ATIC: variants seen among roughly 807,000 people sequenced by gnomAD.
ATIC encodes bifunctional purine biosynthesis protein ATIC.
In ATIC, 64 loss-of-function variants were observed where a neutral mutation model predicts 72.5. The ratio of observed to expected loss-of-function variants is 0.88; its 90% CI spans 0.72 to 1.09. The LOEUF is 1.09. Among genes scored for constraint, ATIC ranks in the 50% least tolerant of loss-of-function variants. ATIC has a pLI of 0.00. For missense variants in ATIC, 787 were observed against 732.4 expected, an observed-to-expected ratio of 1.07 and a Z score of -0.86; for synonymous variants, 281 against 267.1, an observed-to-expected ratio of 1.05 and a Z score of -0.51.
chr2:215,347,340 C>A (rs200642491), intron 14 of ATIC: 7 of 367,292 alleles, frequency 1.9e-5, no homozygotes, highest in African/African-American at 1.5e-4. Context: ...AATTGCCTGA[C>A]GGCAGGTAAC....
chr2:215,335,671 C>T lies in ATIC; in HGVS notation c.1009-364C>T, dbSNP rs77024614. On this transcript the variant is annotated intron_variant, in intron 10 of 15. Transcript: ENST00000236959. ...CTTGCTGTTAAGGAAAACGCCTTGC[C>T]GGAAGAGGTCATTTAACCATGTACT... is the stretch of plus-strand genomic sequence containing the variant. Among the ~76,000 whole-genome samples, 1,483 of 152,192 alleles carry T rather than the reference C, an allele frequency of 9.7e-3. 27 individuals are homozygous for T. Among genetic ancestry groups the T allele is most frequent in the African/African-American group, 0.035 (1,433 of 41,492 alleles).
chr2:215,345,132 C>T lies in ATIC; in HGVS notation c.1320+261C>T, dbSNP rs1471057873. The T allele has an allele frequency of 7.9e-6, 4 of 507,024 alleles. No individual in the cohort carries two copies. The East Asian group carries it at 1.4e-4, about 18-fold the overall frequency. The allele number at this position is 507,024 out of a possible 1,614,324, so 31.4% of individuals were successfully genotyped here. A position where few individuals can be genotyped will look rare whatever the true frequency, so the allele number is the denominator to read the frequency against. Reference sequence around the variant, plus strand: ...GTTGGCACATTTTGGATTAGTGAGACTCTAATAGCTGTTACAAAACTGGAT... The same window carrying T: ...GTTGGCACATTTTGGATTAGTGAGATTCTAATAGCTGTTACAAAACTGGAT... On this transcript the variant is annotated intron_variant, in intron 13 of 15. Coordinates refer to ENST00000236959, the MANE Select transcript of ATIC (RefSeq NM_004044.7).
chr2:215,349,608 C>G lies in ATIC; in HGVS notation c.1732C>G (p.Leu578Val). The G allele has an allele frequency of 6.2e-7, 1 of 1,614,224 alleles. No individual in the cohort carries two copies. The highest frequency in any genetic ancestry group is 8.5e-7 in the Non-Finnish European group (1 of 1,180,046). The change falls in exon 16 of 16, where the codon CTG becomes GTG. Residue 578 changes from leucine (L) to valine (V), a missense_variant. Physicochemically the swap from Leu to Val is conservative, Grantham distance 32 (BLOSUM62 1). Coordinates refer to ENST00000236959, the MANE Select transcript of ATIC (RefSeq NM_004044.7). Reference protein sequence around the residue: ...DKVVIEACDELGIILAHTNLR... With the variant: ...DKVVIEACDEVGIILAHTNLR... ...AGTTGTGATTGAGGCCTGCGACGAA[C>G]TGGGAATCATCCTCGCTCATACGAA...
At chr2:215,342,663 GTGTT>G (rs1559278646) in intron 12 of ATIC, among the ~76,000 whole-genome samples, 1 of 152,110 alleles carries the variant, frequency 6.6e-6, no homozygotes, top group African/African-American at 2.4e-5. Flanking sequence ...CAGTTTTTGT[GTGTT>G]TGTGTGAGCA....
intron 3 of ATIC, 29 bp downstream of exon 3, chr2:215,318,262 ACAGT>A (rs765062751): frequency 1.0e-5 from 16 of 1,586,226 alleles, no homozygotes; most frequent in Middle Eastern, 1.7e-4. Context: ...TAATGTAAAA[ACAGT>A]CAGTGGTTTC....
the ATIC span, chr2:215,365,897 C>T: frequency 5.3e-6 from 1 of 187,000 alleles, no homozygotes; most frequent in East Asian, 1.4e-4. Context: ...CCTCCATCTC[C>T]TGGGTTCATG....
At chr2:215,364,889 C>T in the ATIC span, 1 of 1,559,164 alleles carries the variant, frequency 6.4e-7, no homozygotes, top group South Asian at 1.2e-5. Context: ...CCGCTGGCCT[C>T]CAAAGCATGT....
chr2:215,315,918 A>G (rs959966590), intron 2 of ATIC, among the ~76,000 whole-genome samples: 2 of 151,430 alleles, frequency 1.3e-5, no homozygotes, highest in African/African-American at 2.4e-5. Context: ...TTCCACCACT[A>G]CACTCCAGCC....
At chr2:215,321,834 G>A (rs1427028127) in intron 4 of ATIC, among the ~76,000 whole-genome samples, 1 of 152,136 alleles carries the variant, frequency 6.6e-6, no homozygotes, top group Non-Finnish European at 1.5e-5. Flanking sequence ...GTTTATTATT[G>A]AGTTGTAAGT....
intron 4 of ATIC, among the ~76,000 whole-genome samples, chr2:215,324,581 G>GT (rs946654844): frequency 5.3e-5 from 8 of 151,766 alleles, no homozygotes; most frequent in Non-Finnish European, 8.8e-5. Context: ...TTTTGTTTTT[G>GT]TTTTTTTTAA....
chr2:215,317,018 C>T (rs1191150463), intron 2 of ATIC, among the ~76,000 whole-genome samples: 2 of 152,216 alleles, frequency 1.3e-5, no homozygotes, highest in South Asian at 2.1e-4. Context: ...TCGCCTTGGC[C>T]TCCCAAAGTG....
At chr2:215,340,244 G>C (rs1011674067) in intron 12 of ATIC, among the ~76,000 whole-genome samples, 11 of 152,146 alleles carry the variant, frequency 7.2e-5, no homozygotes, top group African/African-American at 2.2e-4. Context: ...TTAACACTTA[G>C]GTCACTCTAT....
chr2:215,333,317 T>G (rs778906526), intron 8 of ATIC, 33 bp from the exon 9 acceptor site: 1 of 1,590,164 alleles, frequency 6.3e-7, no homozygotes. Flanking sequence ...ACTTTAGCTT[T>G]CTTTGTTTAT....
At chr2:215,362,693 G>T in the ATIC span, 1 of 155,166 alleles carries the variant, frequency 6.4e-6, no homozygotes, top group African/African-American at 2.4e-5. Flanking sequence ...CATGGGAGAT[G>T]GAAACGGGAC....
At chr2:215,323,215 G>T (rs981686830) in intron 4 of ATIC, among the ~76,000 whole-genome samples, 5 of 152,208 alleles carry the variant, frequency 3.3e-5, no homozygotes, top group Admixed American at 3.3e-4. Context: ...AAAGTGCTAG[G>T]ATTACAGGCG....
intron 5 of ATIC, among the ~76,000 whole-genome samples, chr2:215,325,567 A>T (rs1245197772): frequency 6.7e-6 from 1 of 149,818 alleles, no homozygotes; most frequent in African/African-American, 2.5e-5. Flanking sequence ...TATTTATTTT[A>T]TTTTTATTTT....
At chr2:215,320,252 C>T (rs552035942) in intron 4 of ATIC, among the ~76,000 whole-genome samples, 3 of 152,316 alleles carry the variant, frequency 2.0e-5, no homozygotes, top group South Asian at 4.1e-4. Context: ...GAGATCTAAT[C>T]CACATACCAT....
downstream of ATIC, among the ~76,000 whole-genome samples, chr2:215,353,702 T>C (rs563936213): frequency 4.6e-5 from 7 of 151,994 alleles, no homozygotes; most frequent in African/African-American, 1.7e-4. Flanking sequence ...GCTGGGATTA[T>C]AGGTGCACGC....
At chr2:215,367,632 A>G in the ATIC span, 2 of 558,964 alleles carry the variant, frequency 3.6e-6, no homozygotes, top group Non-Finnish European at 6.4e-6. Flanking sequence ...CTTATGTGTA[A>G]TTAATAGTTG....
Sources: allele counts gnomAD v4.1 joint callset (sites outside exome capture counted in the v4.1 genomes callset), GRCh38; gene constraint gnomAD v4.1.1; transcripts MANE v1.5; gene names NCBI Gene and HGNC (gene_info 2026-07-23, HGNC 2026-07-21).